The following LINGO2 variants were observed in gnomAD, a reference collection of about 807,000 sequenced individuals.
LINGO2 encodes the protein leucine-rich repeat and immunoglobulin-like domain-containing nogo receptor-interacting protein 2.
Under a neutral mutation model 30.6 loss-of-function variants are expected in LINGO2, and 14 were observed. The observed-to-expected ratio is 0.46, with a 90% confidence interval of 0.30 to 0.72. The LOEUF (loss-of-function observed/expected upper bound fraction) is 0.72. LINGO2 is among the 30% of genes least tolerant of loss of function. The pLI, the probability that LINGO2 is intolerant of heterozygous loss-of-function variation, is 0.07. For missense variants in LINGO2, 729 were observed against 751.7 expected (o/e 0.97, Z 0.35); for synonymous variants, 317 against 288.5 (o/e 1.10, Z -1.00).
At chr9:28,490,218 C>A (rs1826343368) in intron 1 of LINGO2, among the ~76,000 whole-genome samples, 1 of 152,060 alleles carries the variant, frequency 6.6e-6, no homozygotes, top group Non-Finnish European at 1.5e-5. Flanking sequence ...CCAATACAAC[C>A]TTGTGGGAAA....
chr9:28,259,504 T>C (rs543406386), intron 4 of LINGO2, among the ~76,000 whole-genome samples: 3 of 151,682 alleles, frequency 2.0e-5, no homozygotes, highest in South Asian at 2.1e-4. Context: ...TGGTGAGCCA[T>C]ACAAGGTCTA....
intron 4 of LINGO2, among the ~76,000 whole-genome samples, chr9:28,105,541 A>G (rs1826561474): frequency 6.6e-6 from 1 of 152,196 alleles, no homozygotes; most frequent in African/African-American, 2.4e-5. Flanking sequence ...GGAAAAAAAT[A>G]AAATGAAGTG....
intron 1 of LINGO2, among the ~76,000 whole-genome samples, chr9:28,577,347 T>C (rs190533027): frequency 1.1e-3 from 174 of 152,224 alleles, no homozygotes; most frequent in Admixed American, 6.3e-3. Flanking sequence ...ACTGGATGAC[T>C]CCACTGAGAC....
chr9:28,375,128 ACACACATACAC>A (rs1226058702), intron 2 of LINGO2, among the ~76,000 whole-genome samples: 73 of 112,532 alleles, frequency 6.5e-4, no homozygotes, highest in Non-Finnish European at 9.2e-4. Flanking sequence ...ACACACACAC[ACACACATACAC>A]CCCACACTAA....
the LINGO2 span, among the ~76,000 whole-genome samples, chr9:29,096,640 G>C: frequency 7.1e-6 from 1 of 140,216 alleles, no homozygotes; most frequent in Non-Finnish European, 1.6e-5. Flanking sequence ...ACCTTCAAAA[G>C]ATTGTAAGAC....
intron 4 of LINGO2, among the ~76,000 whole-genome samples, chr9:28,246,174 C>G (rs924486930): frequency 1.3e-5 from 2 of 151,956 alleles, no homozygotes; most frequent in African/African-American, 4.8e-5. Flanking sequence ...GCCTGTAATC[C>G]CAGCACTTTA....
At chr9:28,692,619 C>T in the LINGO2 span, among the ~76,000 whole-genome samples, 1 of 152,148 alleles carries the variant, frequency 6.6e-6, no homozygotes, top group African/African-American at 2.4e-5. Flanking sequence ...TGCCTCCATA[C>T]ATTCATGCCA....
chr9:28,455,474 G>A (rs563711658), intron 2 of LINGO2, among the ~76,000 whole-genome samples: 2 of 152,102 alleles, frequency 1.3e-5, no homozygotes, highest in African/African-American at 4.8e-5. Context: ...TTTCTCTAAT[G>A]TAGTTACAGG....
intron 3 of LINGO2, among the ~76,000 whole-genome samples, chr9:28,362,210 G>A (rs112644232): frequency 3.4e-5 from 4 of 117,300 alleles, no homozygotes; most frequent in East Asian, 5.8e-4. Context: ...TAAATTGTGT[G>A]TGTATGTGTG....
the LINGO2 span, among the ~76,000 whole-genome samples, chr9:28,927,593 G>A: frequency 0.041 from 6,267 of 152,214 alleles, 197 homozygotes; most frequent in Admixed American, 0.082. Context: ...CCTCAGGACT[G>A]CTGTAAGGAT....
At chr9:29,166,937 G>T in the LINGO2 span, among the ~76,000 whole-genome samples, 1 of 152,082 alleles carries the variant, frequency 6.6e-6, no homozygotes, top group East Asian at 1.9e-4. Flanking sequence ...CCAAAAGATA[G>T]ATAGATATGA....
chr9:28,053,746 G>C (rs1824784677), intron 4 of LINGO2, among the ~76,000 whole-genome samples: 1 of 152,070 alleles, frequency 6.6e-6, no homozygotes, highest in Non-Finnish European at 1.5e-5. Flanking sequence ...GGGTATGTTG[G>C]TAATTTTTAA....
At chr9:28,941,028 A>G in the LINGO2 span, among the ~76,000 whole-genome samples, 1 of 144,744 alleles carries the variant, frequency 6.9e-6, no homozygotes, top group Admixed American at 7.0e-5. Context: ...AAAAAAATAA[A>G]AGAGAAAGGG....
the LINGO2 span, among the ~76,000 whole-genome samples, chr9:28,802,899 A>G: frequency 6.6e-6 from 1 of 152,190 alleles, no homozygotes; most frequent in African/African-American, 2.4e-5. Context: ...TAAGCACTTC[A>G]GGATATTGTC....
the LINGO2 span, among the ~76,000 whole-genome samples, chr9:29,063,144 T>C: frequency 3.6e-5 from 5 of 139,772 alleles, no homozygotes; most frequent in Non-Finnish European, 6.3e-5. Context: ...CAAAATAATG[T>C]AACACAGAGG....
At chr9:28,823,696 C>A in the LINGO2 span, among the ~76,000 whole-genome samples, 1 of 152,188 alleles carries the variant, frequency 6.6e-6, no homozygotes, top group Non-Finnish European at 1.5e-5. Flanking sequence ...AGCTCCTAGA[C>A]AAAGGCGGCA....
At chr9:28,790,325 C>CTTTCTTTTTTTTTTTTTTTTTT in the LINGO2 span, among the ~76,000 whole-genome samples, 39 of 106,270 alleles carry the variant, frequency 3.7e-4, 2 homozygotes, top group African/African-American at 1.4e-3. Flanking sequence ...TCTTTTCTTT[C>CTTTCTTTTTTTTTTTTTTTTTT]TTTTTTTTTT....
chr9:28,684,810 C>T, the LINGO2 span, among the ~76,000 whole-genome samples: 1 of 152,104 alleles, frequency 6.6e-6, no homozygotes, highest in African/African-American at 2.4e-5. Flanking sequence ...TGAGACACTG[C>T]ACCTGGACAT....
the LINGO2 span, among the ~76,000 whole-genome samples, chr9:28,882,345 G>T: frequency 1.3e-5 from 2 of 152,146 alleles, no homozygotes; most frequent in Admixed American, 1.3e-4. Context: ...GCAATCTGGG[G>T]TTAGACAGTC....
Sources: gnomAD v4.1 joint callset for allele counts (sites outside exome capture counted in the v4.1 genomes callset) on GRCh38, gnomAD v4.1.1 for gene constraint, MANE v1.5 for transcripts, NCBI Gene and HGNC (gene_info 2026-07-23, HGNC 2026-07-21) for gene names.